The following NCKAP5 variants were observed in gnomAD, a reference collection of about 807,000 sequenced individuals.
NCKAP5 encodes nck-associated protein 5.
Under a neutral mutation model 167.0 loss-of-function variants are expected in NCKAP5, and 92 were observed. That is an observed-to-expected ratio of 0.55 (90% confidence interval 0.47 to 0.66). NCKAP5 has a LOEUF of 0.66. NCKAP5 is among the 30% of genes least tolerant of loss of function. The probability of loss-of-function intolerance (pLI) is 0.00; values close to 1 mark genes in which losing one functional copy is unlikely to be tolerated. For missense variants in NCKAP5, 2,378 were observed against 2,315.0 expected (o/e 1.03, Z -0.56); for synonymous variants, 891 against 877.4 (o/e 1.02, Z -0.27).
chr2:133,378,523 AC>A (rs1191515438), intron 3 of NCKAP5, among the ~76,000 whole-genome samples: 1 of 152,028 alleles, frequency 6.6e-6, no homozygotes, highest in African/African-American at 2.4e-5. Flanking sequence ...CTGCATGCAA[AC>A]CTCAGGTGGG....
At chr2:133,588,044 T>TA in the NCKAP5 span, among the ~76,000 whole-genome samples, 10 of 151,868 alleles carry the variant, frequency 6.6e-5, no homozygotes, top group Non-Finnish European at 1.2e-4. Context: ...AATAAATAAA[T>TA]AAAAAGAATA....
intron 8 of NCKAP5, chr2:132,931,399 T>C (rs1370602): frequency 0.37 from 55,811 of 151,998 alleles, 14,481 homozygotes; most frequent in African/African-American, 0.71. Flanking sequence ...CCTTCTACCA[T>C]GTGGCTGCGC....
chr2:133,611,068 C>G, the NCKAP5 span, among the ~76,000 whole-genome samples: 4 of 152,050 alleles, frequency 2.6e-5, no homozygotes, highest in African/African-American at 9.7e-5. Context: ...TGACCTCCTA[C>G]CCAGAGAAGT....
At chr2:132,818,163 G>T (rs1049939221) in intron 11 of NCKAP5, among the ~76,000 whole-genome samples, 1 of 152,128 alleles carries the variant, frequency 6.6e-6, no homozygotes, top group African/African-American at 2.4e-5. Flanking sequence ...GCCCAGGCTG[G>T]TTTCCAACTA....
chr2:132,730,709 A>T (rs1690914105), intron 17 of NCKAP5, among the ~76,000 whole-genome samples: 1 of 152,232 alleles, frequency 6.6e-6, no homozygotes, highest in Admixed American at 6.5e-5. Flanking sequence ...GGCATGGAGT[A>T]CACAACCTAT....
At chr2:133,204,243 A>T (rs1011190341) in intron 5 of NCKAP5, among the ~76,000 whole-genome samples, 8 of 152,170 alleles carry the variant, frequency 5.3e-5, no homozygotes, top group Non-Finnish European at 1.2e-4. Context: ...TCAGATTGAT[A>T]CTGATAAAAT....
intron 12 of NCKAP5, among the ~76,000 whole-genome samples, chr2:132,793,784 A>G (rs746223672): frequency 1.3e-5 from 2 of 152,102 alleles, no homozygotes; most frequent in Non-Finnish European, 2.9e-5. Context: ...ATTCCTTGCA[A>G]AGAAGAGGAG....
intron 3 of NCKAP5, among the ~76,000 whole-genome samples, chr2:133,347,886 T>C (rs1177987346): frequency 6.6e-6 from 1 of 152,258 alleles, no homozygotes; most frequent in Non-Finnish European, 1.5e-5. Context: ...GATAGAGTCC[T>C]TCTTTGGTAA....
intron 3 of NCKAP5, among the ~76,000 whole-genome samples, chr2:133,408,719 C>A (rs1364160206): frequency 6.6e-6 from 1 of 152,268 alleles, no homozygotes; most frequent in Non-Finnish European, 1.5e-5. Context: ...GGGACTGTCA[C>A]TGAACACAGA....
At chr2:133,671,052 A>G in the NCKAP5 span, among the ~76,000 whole-genome samples, 1 of 151,840 alleles carries the variant, frequency 6.6e-6, no homozygotes, top group Non-Finnish European at 1.5e-5. Flanking sequence ...CATCTCTACT[A>G]AAAATACAAA....
At position 133,176,981 on chromosome 2, in the gene NCKAP5, T is replaced by A. The variant is rs187860730; in HGVS notation, c.207+36735A>T. Among the ~76,000 whole-genome samples, 51 of 152,204 alleles carry A rather than the reference T, an allele frequency of 3.4e-4. 1 individual carries two copies. The East Asian group carries it at 9.5e-3, about 28-fold the overall frequency. On this transcript the variant is annotated intron_variant, in intron 5 of 19. Coordinates refer to ENST00000409261, the MANE Select transcript of NCKAP5 (RefSeq NM_207363.3). The stretch of plus-strand genomic sequence containing the variant: ...TTTAAGCTAAAAATGTGTTATTACA[T>A]AAGCCCTCACTAATAAAGTTAAGAA...
At chr2:133,627,698 A>AAAAG in the NCKAP5 span, among the ~76,000 whole-genome samples, 4 of 152,226 alleles carry the variant, frequency 2.6e-5, no homozygotes, top group African/African-American at 4.8e-5. Flanking sequence ...AAAAAAAGAA[A>AAAAG]AAAGAAAGAA....
chr2:133,487,393 G>T (rs1681004534), intron 3 of NCKAP5, among the ~76,000 whole-genome samples: 1 of 152,132 alleles, frequency 6.6e-6, no homozygotes, highest in South Asian at 2.1e-4. Flanking sequence ...GGGCACTGTA[G>T]TGGGAGCTGT....
intron 2 of NCKAP5, among the ~76,000 whole-genome samples, chr2:133,557,550 T>C (rs1363927395): frequency 6.6e-6 from 1 of 152,214 alleles, no homozygotes; most frequent in Non-Finnish European, 1.5e-5. Context: ...GTTGAGGAAC[T>C]ATCTCTACAA....
At chr2:133,669,697 G>T in the NCKAP5 span, among the ~76,000 whole-genome samples, 7 of 152,238 alleles carry the variant, frequency 4.6e-5, no homozygotes, top group South Asian at 6.2e-4. Flanking sequence ...CCAAACATAT[G>T]GCATGGGTGG....
chr2:133,488,440 T>A (rs981857018), intron 3 of NCKAP5, among the ~76,000 whole-genome samples: 1 of 152,130 alleles, frequency 6.6e-6, no homozygotes, highest in African/African-American at 2.4e-5. Flanking sequence ...AATTAGTGAG[T>A]AAATCTCAAC....
intron 4 of NCKAP5, among the ~76,000 whole-genome samples, chr2:133,216,870 T>TA (rs1176224907): frequency 2.6e-5 from 4 of 152,086 alleles, no homozygotes; most frequent in Non-Finnish European, 5.9e-5. Flanking sequence ...GTGTACATCT[T>TA]ACAGATGTTA....
chr2:133,004,166 C>T (rs958715555), intron 6 of NCKAP5, among the ~76,000 whole-genome samples: 1 of 152,122 alleles, frequency 6.6e-6, no homozygotes, highest in Admixed American at 6.6e-5. Flanking sequence ...CAAGTAAATG[C>T]CACAAAGGAG....
chr2:133,039,766 A>G (rs985984148), intron 6 of NCKAP5, among the ~76,000 whole-genome samples: 11 of 152,180 alleles, frequency 7.2e-5, no homozygotes, highest in Admixed American at 6.6e-4. Context: ...CTGACTCAAC[A>G]AGCACTCCCT....
Sources: allele counts gnomAD v4.1 joint callset (sites outside exome capture counted in the v4.1 genomes callset), GRCh38; gene constraint gnomAD v4.1.1; transcripts MANE v1.5; gene names NCBI Gene and HGNC (gene_info 2026-07-23, HGNC 2026-07-21).